The following RBM47 variants were observed in gnomAD, a reference collection of about 807,000 sequenced individuals.
RBM47 encodes RNA-binding protein 47.
A neutral mutation model predicts 47.1 loss-of-function variants in RBM47; 21 were observed. The observed-to-expected ratio is 0.45, with a 90% CI of 0.32 to 0.64. The LOEUF (loss-of-function observed/expected upper bound fraction) is 0.64. RBM47 is among the 30% of genes least tolerant of loss of function. The pLI is 0.05. For synonymous variants in RBM47, 375 were observed against 361.7 expected (o/e 1.04, Z -0.42); for missense variants, 708 against 870.9 (o/e 0.81, Z 2.35).
At chr4:40,460,410 G>A (rs990722624) in intron 3 of RBM47, among the ~76,000 whole-genome samples, 2 of 152,114 alleles carry the variant, frequency 1.3e-5, no homozygotes, top group East Asian at 1.9e-4. Context: ...GCTTGAGCTC[G>A]AGCTCCTGCA....
intron 6 of RBM47, among the ~76,000 whole-genome samples, chr4:40,431,824 G>C (rs188086734): frequency 6.6e-6 from 1 of 152,194 alleles, no homozygotes; most frequent in Admixed American, 6.5e-5. Context: ...GGGAGATATG[G>C]TTGGAAGAGA....
intron 1 of RBM47, among the ~76,000 whole-genome samples, chr4:40,567,056 T>C (rs958040751): frequency 6.6e-6 from 1 of 151,922 alleles, no homozygotes; most frequent in African/African-American, 2.4e-5. Context: ...TTAGGGAGAC[T>C]AGCATTGACT....
At chr4:40,567,030 G>A (rs1243352101) in intron 1 of RBM47, among the ~76,000 whole-genome samples, 1 of 151,988 alleles carries the variant, frequency 6.6e-6, no homozygotes, top group South Asian at 2.1e-4. Context: ...AAGATGGTGT[G>A]AGCTGGGGAA....
At chr4:40,552,536 G>A (rs1729661007) in intron 1 of RBM47, among the ~76,000 whole-genome samples, 1 of 141,418 alleles carries the variant, frequency 7.1e-6, no homozygotes. Context: ...ATTTGAACCA[G>A]GGGTAGACTC....
rs147366103 is a variant in RBM47 at position 40,572,366 on chromosome 4, C to CA, written c.-239-27861dup. 3.1e-3 allele frequency among the ~76,000 whole-genome samples: 437 copies of CA among 142,568 alleles called. 6 individuals are homozygous for CA. The highest frequency in any genetic ancestry group is 6.5e-3 in the African/African-American group (253 of 39,068). 93.5% of individuals were successfully genotyped at this position (142,568 alleles called of 152,430 possible). A position where few individuals can be genotyped will look rare whatever the true frequency, so the allele number is the denominator to read the frequency against. On this transcript the variant is annotated intron_variant, in intron 1 of 6. Coordinates refer to ENST00000295971, the MANE Select transcript of RBM47 (RefSeq NM_001098634.2). The stretch of plus-strand genomic sequence containing the variant: ...TGGGTGACAGAGCGAGACTCCATCT[C>CA]AAAAAAAAAAAGGCAATGTGGAAGC...
Position 40,436,581 on chromosome 4 carries a change from T to C in RBM47, c.1190A>G (p.Tyr397Cys). 6.2e-7 allele frequency: 1 copy of C among 1,614,160 alleles called. No individual in the cohort carries two copies. Among genetic ancestry groups the C allele is most frequent in the Non-Finnish European group, 8.5e-7 (1 of 1,180,030 alleles). Residue 397 changes from tyrosine (Y) to cysteine (C), a missense_variant, in exon 5 of 7, where the codon TAC (tyrosine) becomes TGC (cysteine). Coordinates refer to ENST00000295971, the MANE Select transcript of RBM47 (RefSeq NM_001098634.2). ...GNRAPGPRGS[Y>C]LGGYSAGRGI... Reference sequence around the variant, plus strand: ...ACGACCAGCAGAATATCCCCCGAGGTAGGAACCCCTAGGCCCTGGGGCTCT... The same window carrying C: ...ACGACCAGCAGAATATCCCCCGAGGCAGGAACCCCTAGGCCCTGGGGCTCT...
chr4:40,548,882 T>C (rs901182678), intron 1 of RBM47, among the ~76,000 whole-genome samples: 2 of 152,040 alleles, frequency 1.3e-5, no homozygotes, highest in African/African-American at 4.8e-5. Flanking sequence ...GCCATACTGG[T>C]CTTAAACTCC....
chr4:40,451,274 A>G (rs2154219429), intron 3 of RBM47, among the ~76,000 whole-genome samples: 1 of 152,164 alleles, frequency 6.6e-6, no homozygotes, highest in East Asian at 1.9e-4. Context: ...TCTCTGTGAT[A>G]CAATAATACT....
chr4:40,445,200 A>C (rs1340281108), intron 3 of RBM47, among the ~76,000 whole-genome samples: 3 of 148,858 alleles, frequency 2.0e-5, no homozygotes, highest in Non-Finnish European at 3.0e-5. Context: ...CGTGAGCCCG[A>C]GAGTCGGAGC....
At chr4:40,592,420 T>C (rs1212391715) in intron 1 of RBM47, among the ~76,000 whole-genome samples, 5 of 129,588 alleles carry the variant, frequency 3.9e-5, no homozygotes, top group African/African-American at 1.5e-4. Flanking sequence ...TTAATCTTTT[T>C]TTTTTCTTTT....
intron 2 of RBM47, among the ~76,000 whole-genome samples, chr4:40,493,871 A>T (rs767090632): frequency 1.3e-5 from 2 of 151,776 alleles, no homozygotes; most frequent in Non-Finnish European, 2.9e-5. Context: ...CCCGGGAGGC[A>T]GAGGTTGCAG....
At chr4:40,511,561 G>A (rs1379508066) in intron 2 of RBM47, among the ~76,000 whole-genome samples, 1 of 152,174 alleles carries the variant, frequency 6.6e-6, no homozygotes, top group Non-Finnish European at 1.5e-5. Flanking sequence ...TGTGATGCAT[G>A]ACTAGATCTG....
At chr4:40,582,745 C>A (rs977418242) in intron 1 of RBM47, among the ~76,000 whole-genome samples, 2 of 152,150 alleles carry the variant, frequency 1.3e-5, no homozygotes, top group Admixed American at 6.5e-5. Context: ...GAGCCCTCTA[C>A]CTGTTTCTTC....
At chr4:40,457,892 T>C (rs1716539993) in intron 3 of RBM47, among the ~76,000 whole-genome samples, 3 of 152,188 alleles carry the variant, frequency 2.0e-5, no homozygotes, top group African/African-American at 7.2e-5. Flanking sequence ...GGTAGGTGGA[T>C]CACCTGAGCC....
Position 40,530,164 on chromosome 4 carries a change from G to A in RBM47, c.-155+14258C>T, listed in dbSNP as rs141187089. 5.5e-3 allele frequency among the ~76,000 whole-genome samples: 839 copies of A among 151,888 alleles called. 10 individuals are homozygous for A. Among genetic ancestry groups the A allele is most frequent in the African/African-American group, 0.019 (808 of 41,468 alleles). On this transcript the variant is annotated intron_variant, in intron 2 of 6. Coordinates refer to ENST00000295971, the MANE Select transcript of RBM47 (RefSeq NM_001098634.2). ...TTGGCCAGGCTAGTCTGGAACTCCC[G>A]ACCTCAGGTGATCCGCCCACCTTGG...
intron 6 of RBM47, among the ~76,000 whole-genome samples, chr4:40,430,213 C>CAA (rs1208358345): frequency 6.3e-5 from 9 of 142,638 alleles, no homozygotes; most frequent in Non-Finnish European, 1.5e-5. Context: ...AACAAACAAA[C>CAA]AAACAAACAA....
chr4:40,538,856 A>G (rs1219121621), intron 2 of RBM47, among the ~76,000 whole-genome samples: 1 of 149,932 alleles, frequency 6.7e-6, no homozygotes, highest in Non-Finnish European at 1.5e-5. Flanking sequence ...GTCAGTTTCG[A>G]ACTCCTGACC....
chr4:40,584,409 C>A (rs142932947), intron 1 of RBM47, among the ~76,000 whole-genome samples: 14 of 152,180 alleles, frequency 9.2e-5, no homozygotes, highest in African/African-American at 3.4e-4. Flanking sequence ...ATGGGAGACA[C>A]GTATTTGATT....
At chr4:40,447,884 G>A (rs1221136378) in intron 3 of RBM47, among the ~76,000 whole-genome samples, 3 of 152,210 alleles carry the variant, frequency 2.0e-5, no homozygotes, top group South Asian at 2.1e-4. Flanking sequence ...GGTGGCAGGC[G>A]CCTGTAGTCC....
Sources: gnomAD v4.1 joint callset for allele counts (sites outside exome capture counted in the v4.1 genomes callset) on GRCh38, gnomAD v4.1.1 for gene constraint, MANE v1.5 for transcripts, NCBI Gene and HGNC (gene_info 2026-07-23, HGNC 2026-07-21) for gene names.